PCDH9: variants seen among roughly 807,000 people sequenced by gnomAD.
PCDH9 encodes protocadherin 9.
In PCDH9, 24 loss-of-function variants were observed where a neutral mutation model predicts 70.6. The ratio of observed to expected loss-of-function variants is 0.34; its 90% CI spans 0.25 to 0.48. The LOEUF is 0.48. PCDH9 is among the 20% of genes least tolerant of loss of function. PCDH9 has a pLI of 0.99. For missense variants in PCDH9, 1,281 were observed against 1,503.6 expected, an observed-to-expected ratio of 0.85 and a Z score of 2.45; for synonymous variants, 562 against 558.5, an observed-to-expected ratio of 1.01 and a Z score of -0.09.
At chr13:67,145,038 T>C (rs1594572959) in intron 2 of PCDH9, among the ~76,000 whole-genome samples, 1 of 152,088 alleles carries the variant, frequency 6.6e-6, no homozygotes, top group East Asian at 1.9e-4. Flanking sequence ...GTTCACAGAT[T>C]TTCAGATTCC....
At chr13:66,720,840 A>G (rs894125711) in intron 3 of PCDH9, among the ~76,000 whole-genome samples, 2 of 152,202 alleles carry the variant, frequency 1.3e-5, no homozygotes, top group Non-Finnish European at 2.9e-5. Flanking sequence ...ATTAAAGAAT[A>G]TAATAGGAAC....
chr13:66,589,314 T>C (rs1428755615), intron 4 of PCDH9, among the ~76,000 whole-genome samples: 1 of 152,036 alleles, frequency 6.6e-6, no homozygotes, highest in Non-Finnish European at 1.5e-5. Flanking sequence ...TAGTGTTTGA[T>C]ACCACCTTAC....
At chr13:66,970,199 T>A (rs2083495277) in intron 2 of PCDH9, among the ~76,000 whole-genome samples, 2 of 152,058 alleles carry the variant, frequency 1.3e-5, no homozygotes, top group Admixed American at 1.3e-4. Context: ...CTAGAGATAG[T>A]GTGATGATTA....
At chr13:66,896,614 A>G (rs2082183799) in intron 3 of PCDH9, among the ~76,000 whole-genome samples, 1 of 152,220 alleles carries the variant, frequency 6.6e-6, no homozygotes, top group African/African-American at 2.4e-5. Context: ...GCATATCTGC[A>G]TTTACAATTA....
intron 4 of PCDH9, among the ~76,000 whole-genome samples, chr13:66,568,523 A>AG (rs1370249311): frequency 3.3e-5 from 5 of 151,384 alleles, no homozygotes; most frequent in East Asian, 1.9e-4. Flanking sequence ...AAAAAAAAAA[A>AG]AAAGAAAGAA....
In PCDH9 at chr13:66,481,845, G is replaced by T. The variant is rs191858262; in HGVS notation, c.3340+149365C>A. On this transcript the variant is annotated intron_variant, in intron 4 of 4. Transcript: ENST00000377865. Reference sequence around the variant, plus strand: ...AGCAAAATCTAAAATCTCCGCATCTGTAAGAGGTTTGTTTGAAAGATATCC... The same window carrying T: ...AGCAAAATCTAAAATCTCCGCATCTTTAAGAGGTTTGTTTGAAAGATATCC... 1.3e-4 allele frequency among the ~76,000 whole-genome samples: 20 copies of T among 152,168 alleles called. 1 individual carries two copies. The highest frequency in any genetic ancestry group is 2.1e-4 in the Non-Finnish European group (14 of 68,002).
chr13:66,711,113 C>A (rs1286567544), intron 3 of PCDH9, among the ~76,000 whole-genome samples: 1 of 151,998 alleles, frequency 6.6e-6, no homozygotes, highest in African/African-American at 2.4e-5. Flanking sequence ...TATTTCTTCC[C>A]CACAGTACGT....
intron 4 of PCDH9, among the ~76,000 whole-genome samples, chr13:66,445,805 A>G (rs1460939720): frequency 8.3e-6 from 1 of 120,920 alleles, no homozygotes; most frequent in African/African-American, 2.7e-5. Flanking sequence ...ACATACACAT[A>G]TATTATATAT....
chr13:66,410,694 A>G (rs950156850), intron 4 of PCDH9, among the ~76,000 whole-genome samples: 5 of 152,216 alleles, frequency 3.3e-5, no homozygotes, highest in African/African-American at 1.2e-4. Context: ...AATATCGCTC[A>G]CTGAATTAGG....
intron 3 of PCDH9, among the ~76,000 whole-genome samples, chr13:66,885,692 T>C (rs2081993522): frequency 6.6e-6 from 1 of 152,108 alleles, no homozygotes; most frequent in Non-Finnish European, 1.5e-5. Context: ...GGCCTTTTAG[T>C]CTCCTACTTG....
intron 2 of PCDH9, among the ~76,000 whole-genome samples, chr13:66,948,302 A>G (rs1180729370): frequency 6.6e-6 from 1 of 152,102 alleles, no homozygotes; most frequent in African/African-American, 2.4e-5. Flanking sequence ...TAGAGTAGGA[A>G]TTTAATAGAT....
chr13:67,154,790 C>T (rs1289099278), intron 2 of PCDH9, among the ~76,000 whole-genome samples: 11 of 150,576 alleles, frequency 7.3e-5, no homozygotes, highest in Non-Finnish European at 1.2e-4. Context: ...CTGCAACCTC[C>T]GCCTCTGGAT....
intron 2 of PCDH9, among the ~76,000 whole-genome samples, chr13:67,065,614 G>A (rs542068622): frequency 2.0e-4 from 30 of 152,158 alleles, no homozygotes; most frequent in African/African-American, 7.2e-4. Context: ...TTTTAATTTT[G>A]AGCTTCAAAA....
At chr13:66,981,807 A>G (rs968215813) in intron 2 of PCDH9, among the ~76,000 whole-genome samples, 5 of 152,212 alleles carry the variant, frequency 3.3e-5, no homozygotes, top group African/African-American at 1.2e-4. Context: ...AAATATTATT[A>G]AATACTGAAG....
intron 2 of PCDH9, among the ~76,000 whole-genome samples, chr13:67,170,644 G>A (rs758180630): frequency 6.6e-6 from 1 of 152,152 alleles, no homozygotes; most frequent in Non-Finnish European, 1.5e-5. Flanking sequence ...GTGAGAACTG[G>A]CCAGGCACTA....
At chr13:66,812,270 T>A (rs1389930330) in intron 3 of PCDH9, among the ~76,000 whole-genome samples, 3 of 151,894 alleles carry the variant, frequency 2.0e-5, no homozygotes, top group Non-Finnish European at 2.9e-5. Context: ...AACATGGGAA[T>A]AAAAATCCCT....
intron 4 of PCDH9, among the ~76,000 whole-genome samples, chr13:66,384,211 G>A (rs1200773899): frequency 6.6e-6 from 1 of 151,954 alleles, no homozygotes; most frequent in East Asian, 1.9e-4. Flanking sequence ...ATTGTTAAAG[G>A]TTGAATACAT....
intron 2 of PCDH9, among the ~76,000 whole-genome samples, chr13:67,120,916 G>T (rs2086864559): frequency 6.6e-6 from 1 of 151,278 alleles, no homozygotes; most frequent in Non-Finnish European, 1.5e-5. Flanking sequence ...AGTCACTTGG[G>T]CCACGACAGA....
At chr13:66,788,648 ATTTTT>A (rs58386697) in intron 3 of PCDH9, among the ~76,000 whole-genome samples, 1 of 81,880 alleles carries the variant, frequency 1.2e-5, no homozygotes, top group Non-Finnish European at 2.3e-5. Flanking sequence ...CTAAACAGTA[ATTTTT>A]TTTTTTTTTT....
Sources: gnomAD v4.1 joint callset for allele counts (sites outside exome capture counted in the v4.1 genomes callset) on GRCh38, gnomAD v4.1.1 for gene constraint, MANE v1.5 for transcripts, NCBI Gene and HGNC (gene_info 2026-07-23, HGNC 2026-07-21) for gene names.